Variants in IL1RAPL2 observed in about 807,000 individuals in gnomAD.
IL1RAPL2 encodes interleukin 1 receptor accessory protein like 2.
Under a neutral mutation model 44.1 loss-of-function variants are expected in IL1RAPL2, and 3 were observed. That is an observed-to-expected ratio of 0.07 (90% confidence interval 0.03 to 0.18). IL1RAPL2 has a LOEUF of 0.18. Ranked by LOEUF, IL1RAPL2 falls within the 10% of genes least tolerant of loss-of-function variation. The pLI is 1.00. For missense variants in IL1RAPL2, 391 were observed against 496.4 expected (o/e 0.79, Z 2.02); for synonymous variants, 181 against 178.8 (o/e 1.01, Z -0.10).
At chrX:105,729,721 G>A (rs958338764) in intron 7 of IL1RAPL2, among the ~76,000 whole-genome samples, 15 of 109,420 alleles carry the variant, frequency 1.4e-4, no homozygotes, top group African/African-American at 4.6e-4. Flanking sequence ...CTTATCAATT[G>A]TTTTTTTCAT....
intron 1 of IL1RAPL2, among the ~76,000 whole-genome samples, chrX:104,597,486 A>G (rs756034904): frequency 1.2e-4 from 14 of 112,044 alleles, no homozygotes; most frequent in African/African-American, 4.5e-4. Flanking sequence ...TGAGAAAAGT[A>G]TGGTTCTCTG....
At chrX:105,268,346 A>G (rs1467795266) in intron 5 of IL1RAPL2, among the ~76,000 whole-genome samples, 2 of 111,973 alleles carry the variant, frequency 1.8e-5, no homozygotes, top group South Asian at 3.7e-4. Context: ...AAAAGAGAGT[A>G]GAAAAATGGA....
intron 8 of IL1RAPL2, among the ~76,000 whole-genome samples, chrX:105,747,341 C>A (rs1276967125): frequency 9.3e-6 from 1 of 107,506 alleles, no homozygotes; most frequent in Non-Finnish European, 1.9e-5. Flanking sequence ...TTCACAGCAG[C>A]CCCACTCTCT....
chrX:105,566,052 G>T (rs774480187), intron 6 of IL1RAPL2, among the ~76,000 whole-genome samples: 1 of 111,229 alleles, frequency 9.0e-6, no homozygotes, highest in South Asian at 3.8e-4. Flanking sequence ...GATGGAGGGA[G>T]GGGGAGCTAG....
intron 5 of IL1RAPL2, among the ~76,000 whole-genome samples, chrX:105,337,768 G>A (rs1294548431): frequency 9.0e-6 from 1 of 110,860 alleles, no homozygotes; most frequent in African/African-American, 3.3e-5. Context: ...GCGGGCGCCT[G>A]TAGTCCCAGC....
At chrX:105,443,485 C>T (rs913686441) in intron 5 of IL1RAPL2, among the ~76,000 whole-genome samples, 1 of 111,507 alleles carries the variant, frequency 9.0e-6, no homozygotes, top group Non-Finnish European at 1.9e-5. Context: ...ATTTTCCCCA[C>T]CTCTCCCACA....
At chrX:104,979,710 T>C (rs2030402177) in intron 2 of IL1RAPL2, among the ~76,000 whole-genome samples, 1 of 112,029 alleles carries the variant, frequency 8.9e-6, no homozygotes, top group Non-Finnish European at 1.9e-5. Context: ...TATTTAACAG[T>C]GTTGGTAAGT....
intron 6 of IL1RAPL2, among the ~76,000 whole-genome samples, chrX:105,676,878 T>G (rs191144967): frequency 8.9e-6 from 1 of 112,242 alleles, no homozygotes; most frequent in Admixed American, 9.5e-5. Flanking sequence ...TACTAAATCA[T>G]AATGCTTTAG....
chrX:104,785,024 T>G (rs1396965691), intron 2 of IL1RAPL2, among the ~76,000 whole-genome samples: 2 of 111,146 alleles, frequency 1.8e-5, no homozygotes, highest in Non-Finnish European at 3.8e-5. Context: ...CTCTTTCTTT[T>G]GTTTTTTTGA....
At chrX:105,007,293 A>T (rs1199552047) in intron 2 of IL1RAPL2, among the ~76,000 whole-genome samples, 3 of 111,527 alleles carry the variant, frequency 2.7e-5, no homozygotes, top group Non-Finnish European at 5.7e-5. Context: ...TGGAATGCTC[A>T]TATATATAGT....
intron 5 of IL1RAPL2, among the ~76,000 whole-genome samples, chrX:105,324,108 T>C (rs2034917403): frequency 9.0e-6 from 1 of 111,180 alleles, no homozygotes; most frequent in Non-Finnish European, 1.9e-5. Flanking sequence ...ATGAGAGGTA[T>C]GAGCAGTGTG....
At chrX:104,635,373 A>T (rs1439106948) in intron 1 of IL1RAPL2, among the ~76,000 whole-genome samples, 1 of 110,129 alleles carries the variant, frequency 9.1e-6, no homozygotes, top group Non-Finnish European at 1.9e-5. Context: ...GTATTTCCTG[A>T]ATCTGAACGT....
At chrX:105,043,447 A>C (rs2031788539) in intron 2 of IL1RAPL2, among the ~76,000 whole-genome samples, 1 of 109,177 alleles carries the variant, frequency 9.2e-6, no homozygotes. Flanking sequence ...GGAGGCAGCC[A>C]GTCTCCAACC....
chrX:104,719,864 A>C (rs187429406), intron 2 of IL1RAPL2, among the ~76,000 whole-genome samples: 20 of 111,393 alleles, frequency 1.8e-4, no homozygotes, highest in Admixed American at 1.5e-3. Context: ...GACACCGCAT[A>C]ATGTCCCTGA....
intron 2 of IL1RAPL2, among the ~76,000 whole-genome samples, chrX:104,909,488 G>T (rs746784857): frequency 9.0e-5 from 10 of 111,467 alleles, no homozygotes; most frequent in African/African-American, 3.3e-4. Context: ...TCTACTTTTG[G>T]TCTTCTATGA....
At chrX:104,585,245 ATG>A (rs1199523734) in intron 1 of IL1RAPL2, among the ~76,000 whole-genome samples, 4 of 37,020 alleles carry the variant, frequency 1.1e-4, no homozygotes, top group Non-Finnish European at 8.7e-5. Flanking sequence ...TATATAATAT[ATG>A]ATATATAATA....
intron 3 of IL1RAPL2, among the ~76,000 whole-genome samples, chrX:105,223,531 T>C (rs1321100788): frequency 1.8e-5 from 2 of 112,282 alleles, no homozygotes; most frequent in African/African-American, 6.5e-5. Flanking sequence ...AGTTGTCTCT[T>C]TATACTGCCA....
chrX:105,169,330 A>G (rs1236327332), intron 2 of IL1RAPL2, among the ~76,000 whole-genome samples: 2 of 108,275 alleles, frequency 1.8e-5, no homozygotes, highest in Non-Finnish European at 3.8e-5. Context: ...GTCTATGCTA[A>G]TACATAATAA....
intron 2 of IL1RAPL2, among the ~76,000 whole-genome samples, chrX:105,167,343 T>C (rs983188206): frequency 8.9e-6 from 1 of 112,691 alleles, no homozygotes; most frequent in Non-Finnish European, 1.9e-5. Flanking sequence ...GTCAGCTATA[T>C]GGGCTGAGAT....
Sources: allele counts gnomAD v4.1 joint callset (sites outside exome capture counted in the v4.1 genomes callset), GRCh38; gene constraint gnomAD v4.1.1; transcripts MANE v1.5; gene names NCBI Gene and HGNC (gene_info 2026-07-23, HGNC 2026-07-21).